Variants in ARMC10 observed in about 807,000 individuals in gnomAD.
ARMC10 encodes armadillo repeat-containing protein 10.
A neutral mutation model predicts 30.2 loss-of-function variants in ARMC10; 23 were observed. The ratio of observed to expected loss-of-function variants is 0.76; its 90% CI spans 0.55 to 1.08. The LOEUF (loss-of-function observed/expected upper bound fraction) is 1.08. ARMC10 is among the 50% of genes least tolerant of loss of function. ARMC10 has a pLI of 0.00. For synonymous variants in ARMC10, 111 were observed against 164.4 expected, an observed-to-expected ratio of 0.68 and a Z score of 2.48; for missense variants, 303 against 413.7, an observed-to-expected ratio of 0.73 and a Z score of 2.32.
chr7:103,087,385 G>A (rs915128040), intron 4 of ARMC10, among the ~76,000 whole-genome samples: 2 of 152,104 alleles, frequency 1.3e-5, no homozygotes, highest in East Asian at 1.9e-4. Flanking sequence ...GCTAACCTAC[G>A]TTACTGACAT....
intron 5 of ARMC10, 78 bp from the exon 6 acceptor site, chr7:103,097,199 A>C: frequency 8.4e-7 from 1 of 1,194,432 alleles, no homozygotes; most frequent in Non-Finnish European, 1.3e-6. Flanking sequence ...ACAGGAAGAC[A>C]TGGTGAGAGA....
chr7:103,090,266 T>C (rs1801197515), intron 4 of ARMC10, among the ~76,000 whole-genome samples: 1 of 152,240 alleles, frequency 6.6e-6, no homozygotes, highest in African/African-American at 2.4e-5. Flanking sequence ...GACATCAGCA[T>C]CTTACAGAAG....
At chr7:103,092,332 A>AG in intron 4 of ARMC10, 145 bp from the exon 5 acceptor site, 1 of 295,500 alleles carries the variant, frequency 3.4e-6, no homozygotes, top group Non-Finnish European at 5.6e-6. Context: ...CTCCGTCTCA[A>AG]AAAAAAAAAA....
At chr7:103,086,596 C>T (rs1800876332) in intron 3 of ARMC10, 34 bp from the exon 4 acceptor site, 2 of 1,566,336 alleles carry the variant, frequency 1.3e-6, no homozygotes, top group Admixed American at 4.2e-5. Flanking sequence ...ACTGAAGTCC[C>T]AGTCCTGCTT....
intron 2 of ARMC10, among the ~76,000 whole-genome samples, chr7:103,079,073 C>G (rs907497832): frequency 6.6e-6 from 1 of 152,110 alleles, no homozygotes; most frequent in Non-Finnish European, 1.5e-5. Context: ...AAGACGGAAA[C>G]AGTCCCAATT....
chr7:103,078,967 C>T (rs1157289381), intron 2 of ARMC10, among the ~76,000 whole-genome samples: 1 of 152,098 alleles, frequency 6.6e-6, no homozygotes, highest in Non-Finnish European at 1.5e-5. Flanking sequence ...TGTGATTGTG[C>T]CGCTGCTCTC....
Position 103,095,842 on chromosome 7 carries a change from CCAAA to C in ARMC10, c.706-1432_706-1429del, listed in dbSNP as rs1801712126. ...AGTAAACTATCGCAAGAACAAAAAA[CCAAA>C]CACTGTATATTCTCACTCATAGGTG... is the stretch of plus-strand genomic sequence containing the variant. On this transcript the variant is annotated intron_variant, in intron 5 of 6. Coordinates refer to ENST00000323716, the MANE Select transcript of ARMC10 (RefSeq NM_031905.5). 3.3e-5 allele frequency: 5 copies of C among 151,512 alleles called. No homozygotes were observed. In the South Asian group the frequency reaches 1.0e-3, roughly 32 times the overall value. 9.4% of individuals were successfully genotyped at this position (151,512 alleles called of 1,614,324 possible). A position where few individuals can be genotyped will look rare whatever the true frequency, so the allele number is the denominator to read the frequency against.
chr7:103,090,835 T>C (rs910776986), intron 4 of ARMC10, among the ~76,000 whole-genome samples: 15 of 152,064 alleles, frequency 9.9e-5, no homozygotes, highest in Non-Finnish European at 1.6e-4. Context: ...TGAGCTGTTA[T>C]CACACCACTG....
chr7:103,095,828 G>GC (rs1801710462), intron 5 of ARMC10: 1 of 151,036 alleles, frequency 6.6e-6, no homozygotes. Flanking sequence ...GTAAACTATC[G>GC]CAAGAACAAA....
rs200784679 is a variant in ARMC10 at position 103,075,753 on chromosome 7, C to G, written c.140-24C>G. ...GGAAGGGCTGTTGAGGGGCCCAGAG[C>G]CATAGGTCAATCTCTGCTTGCAGGT... On this transcript the variant is annotated intron_variant, in intron 1 of 6. Transcript: ENST00000323716. 16 of 1,571,070 alleles carry G rather than the reference C, an allele frequency of 1.0e-5. No homozygotes were observed. The East Asian group carries it at 3.2e-4, about 32-fold the overall frequency.
At chr7:103,095,331 T>C (rs780028573) in intron 5 of ARMC10, among the ~76,000 whole-genome samples, 9 of 152,210 alleles carry the variant, frequency 5.9e-5, no homozygotes, top group Non-Finnish European at 1.3e-4. Flanking sequence ...TGAGCTCAAG[T>C]GATCTGCCCA....
chr7:103,095,606 T>A (rs1291313052), intron 5 of ARMC10: 16 of 152,224 alleles, frequency 1.1e-4, no homozygotes, highest in Admixed American at 1.0e-3. Flanking sequence ...CCCCCCTCTA[T>A]GCTTATTTTA....
At position 103,075,236 on chromosome 7, in the gene ARMC10, C is replaced by T. The variant is rs1799584197; in HGVS notation, c.-37C>T. 2.6e-6 allele frequency: 3 copies of T among 1,157,592 alleles called. No homozygotes were observed. The highest frequency in any genetic ancestry group is 3.2e-6 in the Non-Finnish European group (3 of 940,618). 71.7% of individuals were successfully genotyped at this position (1,157,592 alleles called of 1,614,324 possible). A position where few individuals can be genotyped will look rare whatever the true frequency, so the allele number is the denominator to read the frequency against. ...CGCGCTGGCCCCCGCGAGCCTCCTGCCCTGGCCCGGCGCTGCGGCTCTGCC... is the reference window on the plus strand; with the variant it reads ...CGCGCTGGCCCCCGCGAGCCTCCTGTCCTGGCCCGGCGCTGCGGCTCTGCC... On this transcript the variant is annotated 5_prime_UTR_variant, in exon 1 of 7. Coordinates refer to ENST00000323716, the MANE Select transcript of ARMC10 (RefSeq NM_031905.5).
intron 4 of ARMC10, among the ~76,000 whole-genome samples, chr7:103,089,906 G>T (rs1203065660): frequency 6.6e-6 from 1 of 152,208 alleles, no homozygotes; most frequent in Non-Finnish European, 1.5e-5. Flanking sequence ...AAGAAAGGTG[G>T]AAGGAAGGAT....
chr7:103,098,151 AT>A, intron 6 of ARMC10, 147 bp from the exon 7 acceptor site: 4 of 960,868 alleles, frequency 4.2e-6, no homozygotes, highest in Non-Finnish European at 5.5e-6. Flanking sequence ...CTGTGACAAA[AT>A]TTTTTTAATG....
chr7:103,098,713 C>G lies in ARMC10; in HGVS notation c.*160C>G, dbSNP rs1801991395. On this transcript the variant is annotated 3_prime_UTR_variant, in exon 7 of 7. Transcript: ENST00000323716. ...CCGTGGTTCTCAGATTTATTTTGGA[C>G]TATTTTGATGCCAAGTGAATATAAG... The G allele has an allele frequency of 1.2e-5, 15 of 1,220,946 alleles. No homozygotes were observed. The highest frequency in any genetic ancestry group is 1.6e-5 in the Non-Finnish European group (14 of 896,586). The allele number at this position is 1,220,946 out of a possible 1,614,324, so 75.6% of individuals were successfully genotyped here.
intron 4 of ARMC10, 139 bp downstream of exon 4, chr7:103,086,903 CAG>C: frequency 6.6e-7 from 1 of 1,519,250 alleles, no homozygotes; most frequent in South Asian, 1.2e-5. Context: ...GAGAATAAGA[CAG>C]AAGAGGGAGG....
rs922378209 is a variant in ARMC10, at chr7:103,081,454, C to T, written c.245-2228C>T. Among the ~76,000 whole-genome samples, 46 of 152,244 alleles carry T rather than the reference C, an allele frequency of 3.0e-4. 1 individual carries two copies. The highest frequency in any genetic ancestry group is 7.2e-5 in the African/African-American group (3 of 41,456). On this transcript the variant is annotated intron_variant, in intron 2 of 6. Transcript: ENST00000323716. The stretch of plus-strand genomic sequence containing the variant: ...TGATGCAATCTCAGCTTACTGCAAC[C>T]TCTGCCTCCCAGGCTCAAGCAATTT...
intron 5 of ARMC10, among the ~76,000 whole-genome samples, chr7:103,094,409 T>C (rs1228211251): frequency 1.3e-5 from 2 of 152,248 alleles, no homozygotes; most frequent in Non-Finnish European, 2.9e-5. Context: ...GTACTCTAAC[T>C]GTATATATAT....
Sources: allele counts gnomAD v4.1 joint callset (sites outside exome capture counted in the v4.1 genomes callset), GRCh38; gene constraint gnomAD v4.1.1; transcripts MANE v1.5; gene names NCBI Gene and HGNC (gene_info 2026-07-23, HGNC 2026-07-21).